The following MYO7A variants were observed in gnomAD, a reference collection of about 807,000 sequenced individuals.
MYO7A encodes the protein myosin VIIA.
MYO7A carries 210 observed loss-of-function variants against 263.8 expected under a neutral mutation model. That is an observed-to-expected ratio of 0.80 (90% CI 0.71 to 0.89). The LOEUF (loss-of-function observed/expected upper bound fraction) is 0.89, where lower values mean the gene tolerates loss of function less well. Ranked by LOEUF, MYO7A falls within the 40% of genes least tolerant of loss-of-function variation. The probability of loss-of-function intolerance (pLI) is 0.00; values close to 1 mark genes in which losing one functional copy is unlikely to be tolerated. For missense variants in MYO7A, 2,820 were observed against 2,968.3 expected, an observed-to-expected ratio of 0.95 and a Z score of 1.16; for synonymous variants, 1,239 against 1,197.3, an observed-to-expected ratio of 1.03 and a Z score of -0.72.
In MYO7A at chr11:77,161,019, C is replaced by G; in HGVS notation, c.1247C>G (p.Ala416Gly). 1 of 1,613,256 alleles carries G rather than the reference C, an allele frequency of 6.2e-7. No individual in the cohort carries two copies. ...GTGTGGATTGTGGACAAGATCAACG[C>G]AGCAATTTACAAGCCTCCCTCCCAG... ...LFVWIVDKIN[A>G]AIYKPPSQDV... The change falls in exon 12 of 49, where the codon GCA becomes GGA. Residue 416 changes from alanine to glycine, a missense_variant. Ala to Gly is a moderately conservative substitution (Grantham distance 60). Coordinates refer to ENST00000409709, the MANE Select transcript of MYO7A (RefSeq NM_000260.4).
rs182887362 is a variant in MYO7A, at chr11:77,134,115, G to A, written c.18+3463G>A. On this transcript the variant is annotated intron_variant, in intron 2 of 48. Coordinates refer to ENST00000409709, the MANE Select transcript of MYO7A (RefSeq NM_000260.4). The stretch of plus-strand genomic sequence containing the variant: ...TGGCTAATTTTTTTTATTTTTAGTA[G>A]AGACAGGGTTTCACCATGCTGGTCA... Among the ~76,000 whole-genome samples the A allele has an allele frequency of 2.1e-3, 312 of 152,076 alleles. 1 individual carries two copies. The highest frequency in any genetic ancestry group is 7.3e-3 in the African/African-American group (302 of 41,452).
At chr11:77,212,041 C>T in intron 46 of MYO7A, 104 bp downstream of exon 46, 1 of 974,654 alleles carries the variant, frequency 1.0e-6, no homozygotes, top group East Asian at 2.6e-5. Context: ...GCCTTGGACA[C>T]CTGCCCTGGT....
At chr11:77,167,883 C>T (rs1565372279) in intron 15 of MYO7A, among the ~76,000 whole-genome samples, 1 of 152,196 alleles carries the variant, frequency 6.6e-6, no homozygotes, top group East Asian at 1.9e-4. Context: ...CCCACTCACC[C>T]TGACAGACCA....
intron 18 of MYO7A, among the ~76,000 whole-genome samples, chr11:77,175,769 CCTTT>C (rs1954602776): frequency 6.6e-6 from 1 of 152,218 alleles, no homozygotes; most frequent in Admixed American, 6.5e-5. Context: ...GCCTTGGGGC[CCTTT>C]CTGAGCCTCA....
chr11:77,164,749 G>A (rs1953374846), intron 14 of MYO7A, among the ~76,000 whole-genome samples: 1 of 152,220 alleles, frequency 6.6e-6, no homozygotes, highest in South Asian at 2.1e-4. Context: ...TGAGGATACA[G>A]AAGTGAAAAT....
chr11:77,194,824 C>T (rs771145772), intron 32 of MYO7A, among the ~76,000 whole-genome samples: 2 of 152,110 alleles, frequency 1.3e-5, no homozygotes, highest in Admixed American at 6.5e-5. Flanking sequence ...TCAGGAGTGG[C>T]GGTGGATGCT....
chr11:77,149,301 C>T (rs76115027), intron 4 of MYO7A, among the ~76,000 whole-genome samples: 10,115 of 152,102 alleles, frequency 0.067, 489 homozygotes, highest in East Asian at 0.23. Context: ...GTACTAGGGG[C>T]ATTACTGGGG....
In MYO7A at chr11:77,180,495, C is replaced by T; in HGVS notation, c.2694+14C>T. On this transcript the variant is annotated intron_variant, in intron 22 of 48. Coordinates refer to ENST00000409709, the MANE Select transcript of MYO7A (RefSeq NM_000260.4). The stretch of plus-strand genomic sequence containing the variant: ...CGCAAGCATCAGGTGAGCTGAGAGC[C>T]TCCAGGCACCTTAGGTGTCCACTTG... The T allele has an allele frequency of 6.2e-7, 1 of 1,607,360 alleles. No individual in the cohort carries two copies. The highest frequency in any genetic ancestry group is 1.1e-5 in the South Asian group (1 of 90,450).
chr11:77,171,262 T>G (rs3781696), intron 15 of MYO7A, among the ~76,000 whole-genome samples: 1 of 152,016 alleles, frequency 6.6e-6, no homozygotes, highest in African/African-American at 2.4e-5. Flanking sequence ...TGTGTGTGTG[T>G]GCATGCGTAT....
At chr11:77,154,945 G>A (rs536737353) in intron 4 of MYO7A, among the ~76,000 whole-genome samples, 41 of 152,130 alleles carry the variant, frequency 2.7e-4, no homozygotes, top group Non-Finnish European at 3.7e-4. Context: ...GCATAGCTGC[G>A]GCTCTGCTGT....
chr11:77,205,704 G>A, intron 40 of MYO7A, 87 bp downstream of exon 40: 2 of 1,558,830 alleles, frequency 1.3e-6, no homozygotes, highest in Admixed American at 1.8e-5. Context: ...TGGGGATGAG[G>A]ACCACATAGC....
chr11:77,181,802 T>TTTTG, intron 23 of MYO7A, 149 bp from the exon 24 acceptor site: 1 of 653,840 alleles, frequency 1.5e-6, no homozygotes, highest in Non-Finnish European at 2.4e-6. Flanking sequence ...TTTTTTTTTT[T>TTTTG]GAGATGGGGT....
chr11:77,163,203 C>T (rs1229199577), intron 14 of MYO7A, among the ~76,000 whole-genome samples: 7 of 152,060 alleles, frequency 4.6e-5, no homozygotes, highest in Non-Finnish European at 1.0e-4. Flanking sequence ...CTATCTATTT[C>T]CAGGGCTTTC....
intron 1 of MYO7A, 57 bp from the exon 2 acceptor site, chr11:77,130,532 C>T: frequency 7.0e-7 from 1 of 1,427,386 alleles, no homozygotes; most frequent in East Asian, 2.4e-5. Flanking sequence ...CCCAGCCAGG[C>T]TCAAGGCTTC....
intron 14 of MYO7A, among the ~76,000 whole-genome samples, chr11:77,164,389 A>G (rs1445820844): frequency 6.6e-6 from 1 of 152,162 alleles, no homozygotes; most frequent in Non-Finnish European, 1.5e-5. Context: ...TATACCTACT[A>G]TGTACCACAA....
At chr11:77,175,638 T>C (rs1954585265) in intron 18 of MYO7A, among the ~76,000 whole-genome samples, 174 bp downstream of exon 18, 1 of 151,958 alleles carries the variant, frequency 6.6e-6, no homozygotes. Context: ...GAAGGGTAAT[T>C]TGGTGTTTGA....
At position 77,192,173 on chromosome 11, in the gene MYO7A, G is replaced by A. The variant is rs1430282525; in HGVS notation, c.4047G>A (p.Glu1349=). 8.1e-6 allele frequency: 13 copies of A among 1,614,044 alleles called. No homozygotes were observed. The highest frequency in any genetic ancestry group is 1.1e-5 in the Non-Finnish European group (13 of 1,179,898). The change falls in exon 31 of 49, where the codon GAG becomes GAA. Residue 1349 remains glutamate (E), a synonymous_variant. Transcript: ENST00000409709. The stretch of plus-strand genomic sequence containing the variant: ...CCTGGAGGCTCTTCTTCCGCAAAGA[G>A]GTCTTCACGCCCTGGCACAGCCCCT... ...NAPWRLFFRK[E]VFTPWHSPSE...
chr11:77,185,753 T>C (rs180931648), intron 27 of MYO7A, among the ~76,000 whole-genome samples: 1 of 152,342 alleles, frequency 6.6e-6, no homozygotes, highest in East Asian at 1.9e-4. Context: ...AGCTTTTCCA[T>C]TGATTTTGCC....
intron 4 of MYO7A, among the ~76,000 whole-genome samples, chr11:77,153,128 A>T (rs1226984077): frequency 6.6e-6 from 1 of 151,894 alleles, no homozygotes; most frequent in Non-Finnish European, 1.5e-5. Flanking sequence ...AGTGGAGGAT[A>T]GATTGTTGGG....
Sources: allele counts gnomAD v4.1 joint callset (sites outside exome capture counted in the v4.1 genomes callset), GRCh38; gene constraint gnomAD v4.1.1; transcripts MANE v1.5; gene names NCBI Gene and HGNC (gene_info 2026-07-23, HGNC 2026-07-21).